ULK4: variants seen among roughly 807,000 people sequenced by gnomAD.
The protein encoded by ULK4 is inactive serine/threonine-protein kinase ULK4.
Under a neutral mutation model 160.6 loss-of-function variants are expected in ULK4, and 133 were observed. The observed-to-expected ratio is 0.83, with a 90% CI of 0.72 to 0.96. ULK4 has a LOEUF of 0.96. ULK4 is among the 40% of genes least tolerant of loss of function. The probability of loss-of-function intolerance (pLI) is 0.00; values close to 1 mark genes in which losing one functional copy is unlikely to be tolerated. For synonymous variants in ULK4, 534 were observed against 539.8 expected (o/e 0.99, Z 0.15); for missense variants, 1,580 against 1,499.5 (o/e 1.05, Z -0.89).
At chr3:41,522,681 T>G (rs559089114) in intron 32 of ULK4, among the ~76,000 whole-genome samples, 1 of 152,286 alleles carries the variant, frequency 6.6e-6, no homozygotes, top group Non-Finnish European at 1.5e-5. Flanking sequence ...AGTCAGATGA[T>G]ATGACAGAAC....
chr3:41,705,186 T>C (rs1447446846), intron 26 of ULK4, 35 bp from the exon 27 acceptor site: 1 of 1,609,280 alleles, frequency 6.2e-7, no homozygotes, highest in East Asian at 2.2e-5. Context: ...GGTGTTTATT[T>C]ACATGTTCTA....
rs946759835 is a variant in ULK4 at position 41,322,065 on chromosome 3, T to G, written c.3679-72491A>C. On this transcript the variant is annotated intron_variant, in intron 35 of 36. Transcript: ENST00000301831. ...TTTATTTATTTTGAGAGAGTCTCAC[T>G]CTGTCACCCAGGCTGGAGTGCAGTG... 1.9e-4 allele frequency among the ~76,000 whole-genome samples: 28 copies of G among 144,530 alleles called. 7 individuals are homozygous for G. Among genetic ancestry groups the G allele is most frequent in the African/African-American group, 7.3e-4 (27 of 37,082 alleles). 94.8% of individuals were successfully genotyped at this position (144,530 alleles called of 152,430 possible).
At chr3:41,615,606 T>C (rs1453943563) in intron 31 of ULK4, 63 bp downstream of exon 31, 1 of 1,535,872 alleles carries the variant, frequency 6.5e-7, no homozygotes, top group Non-Finnish European at 8.9e-7. Flanking sequence ...TCCTACAACA[T>C]GGTTAAAATC....
Position 41,715,565 on chromosome 3 carries a change from T to C in ULK4, c.2459A>G (p.Asp820Gly). 1 of 1,614,112 alleles carries C rather than the reference T, an allele frequency of 6.2e-7. No homozygotes were observed. The highest frequency in any genetic ancestry group is 8.5e-7 in the Non-Finnish European group (1 of 1,180,004). Reference protein sequence around the residue: ...IVQELPRILGDILNSLANVSG... With the variant: ...IVQELPRILGGILNSLANVSG... ...AACATTAGCCAAGGAGTTAAGAATGTCACCTGTGAAGCACAGCCCAGAGCA... is the reference window on the plus strand; with the variant it reads ...AACATTAGCCAAGGAGTTAAGAATGCCACCTGTGAAGCACAGCCCAGAGCA... Residue 820 changes from aspartate to glycine, a missense_variant, in exon 24 of 37, where the codon GAC becomes GGC. Coordinates refer to ENST00000301831, the MANE Select transcript of ULK4 (RefSeq NM_017886.4).
chr3:41,683,221 G>A (rs1474164076), intron 27 of ULK4, among the ~76,000 whole-genome samples: 1 of 152,020 alleles, frequency 6.6e-6, no homozygotes, highest in Non-Finnish European at 1.5e-5. Context: ...AGAATTCCAG[G>A]AACTGGCCTT....
intron 22 of ULK4, among the ~76,000 whole-genome samples, chr3:41,733,845 C>T (rs923714734): frequency 6.6e-6 from 1 of 150,916 alleles, no homozygotes; most frequent in African/African-American, 2.5e-5. Context: ...AGCAATTCCC[C>T]TGCCTCAGCC....
At chr3:41,314,304 C>T (rs1201179221) in intron 35 of ULK4, among the ~76,000 whole-genome samples, 3 of 152,174 alleles carry the variant, frequency 2.0e-5, no homozygotes, top group Non-Finnish European at 4.4e-5. Flanking sequence ...TTCCCATCAC[C>T]TGAACAGTGA....
At chr3:41,263,049 C>G (rs1462629543) in intron 35 of ULK4, among the ~76,000 whole-genome samples, 1 of 152,164 alleles carries the variant, frequency 6.6e-6, no homozygotes, top group Non-Finnish European at 1.5e-5. Context: ...GGACCCAAAC[C>G]AAGCACTTAG....
At chr3:41,512,340 G>A (rs185868828) in intron 32 of ULK4, among the ~76,000 whole-genome samples, 65 of 152,230 alleles carry the variant, frequency 4.3e-4, no homozygotes, top group Non-Finnish European at 6.6e-4. Context: ...TCAAACTGTC[G>A]CTGTTTGCTG....
rs976872750 is a variant in ULK4 at position 41,289,758 on chromosome 3, T to C, written c.3679-40184A>G. On this transcript the variant is annotated intron_variant, in intron 35 of 36. Transcript: ENST00000301831. ...AAGCCCAAGGAAGGGAGCAAGTCAG[T>C]CTAACACCAGAAACTGACCCTAACC... Among the ~76,000 whole-genome samples, 3 of 152,170 alleles carry C rather than the reference T, an allele frequency of 2.0e-5. No homozygotes were observed. In the East Asian group the frequency reaches 5.8e-4, roughly 29 times the overall value.
At chr3:41,415,253 C>A (rs1282737857) in intron 34 of ULK4, among the ~76,000 whole-genome samples, 2 of 152,174 alleles carry the variant, frequency 1.3e-5, no homozygotes. Context: ...ATGCTGAGTT[C>A]TGTAGAAAAG....
In ULK4 at chr3:41,412,553, A is replaced by ATTTTT. The variant is rs57224854; in HGVS notation, c.3493-14294_3493-14290dup. Among the ~76,000 whole-genome samples, 542 of 100,378 alleles carry ATTTTT rather than the reference A, an allele frequency of 5.4e-3. 38 individuals are homozygous for ATTTTT. Among genetic ancestry groups the ATTTTT allele is most frequent in the African/African-American group, 0.021 (510 of 24,042 alleles). 65.9% of individuals were successfully genotyped at this position (100,378 alleles called of 152,430 possible). A position where few individuals can be genotyped will look rare whatever the true frequency, so the allele number is the denominator to read the frequency against. On this transcript the variant is annotated intron_variant, in intron 34 of 36. Coordinates refer to ENST00000301831, the MANE Select transcript of ULK4 (RefSeq NM_017886.4). ...TAAAGGTCAATGGCAATGCAGTTGA[A>ATTTTT]TTTTTTTTTTTTTTTTTTTTTTTTT...
At position 41,525,302 on chromosome 3, in the gene ULK4, G is replaced by A. The variant is rs757274385; in HGVS notation, c.3226+40723C>T. Among the ~76,000 whole-genome samples, 123 of 152,146 alleles carry A rather than the reference G, an allele frequency of 8.1e-4. 1 individual carries two copies. Among genetic ancestry groups the A allele is most frequent in the Non-Finnish European group, 1.5e-3 (101 of 68,016 alleles). On this transcript the variant is annotated intron_variant, in intron 32 of 36. Transcript: ENST00000301831. ...TGACTATTAATCTTTAGCATTACCC[G>A]TTCCTAAAGAGTCTAAAACAAGTTT...
At chr3:41,883,522 T>C (rs1697598572) in intron 17 of ULK4, among the ~76,000 whole-genome samples, 1 of 152,254 alleles carries the variant, frequency 6.6e-6, no homozygotes, top group Admixed American at 6.5e-5. Flanking sequence ...GCCAAAATAA[T>C]TTGAATTTTG....
intron 18 of ULK4, among the ~76,000 whole-genome samples, chr3:41,824,240 G>A (rs1024332043): frequency 1.3e-5 from 2 of 151,602 alleles, no homozygotes; most frequent in South Asian, 2.1e-4. Context: ...CAGCATGAGC[G>A]ATGCAGACGA....
At chr3:41,735,297 T>A (rs1399321082) in intron 22 of ULK4, among the ~76,000 whole-genome samples, 1 of 152,154 alleles carries the variant, frequency 6.6e-6, no homozygotes, top group Admixed American at 6.5e-5. Flanking sequence ...AAGATTCCAG[T>A]AGTATATTAT....
chr3:41,907,510 G>A (rs1332880828), intron 12 of ULK4, among the ~76,000 whole-genome samples: 2 of 151,902 alleles, frequency 1.3e-5, no homozygotes, highest in South Asian at 2.1e-4. Context: ...TGTTGGCCAG[G>A]CTGGTCTCCA....
intron 18 of ULK4, among the ~76,000 whole-genome samples, chr3:41,826,104 AATTTTGACAG>A (rs2041339304): frequency 6.6e-6 from 1 of 152,124 alleles, no homozygotes; most frequent in Non-Finnish European, 1.5e-5. Context: ...CAGACAAACA[AATTTTGACAG>A]ATTTTGACAC....
chr3:41,279,983 A>T (rs193281131), intron 35 of ULK4, among the ~76,000 whole-genome samples: 2 of 152,278 alleles, frequency 1.3e-5, no homozygotes, highest in East Asian at 3.9e-4. Context: ...AAAACAAAAC[A>T]AAACTAAAAA....
Sources: gnomAD v4.1 joint callset for allele counts (sites outside exome capture counted in the v4.1 genomes callset) on GRCh38, gnomAD v4.1.1 for gene constraint, MANE v1.5 for transcripts, NCBI Gene and HGNC (gene_info 2026-07-23, HGNC 2026-07-21) for gene names.